Variants in MTUS2 observed in about 807,000 individuals in gnomAD.
MTUS2 encodes the protein microtubule-associated tumor suppressor candidate 2.
A neutral mutation model predicts 114.1 loss-of-function variants in MTUS2; 40 were observed. The ratio of observed to expected loss-of-function variants is 0.35; its 90% confidence interval spans 0.27 to 0.46. The LOEUF (loss-of-function observed/expected upper bound fraction) is 0.46. Among genes scored for constraint, MTUS2 ranks in the 20% least tolerant of loss-of-function variants. The pLI is 1.00. For synonymous variants in MTUS2, 688 were observed against 672.0 expected (o/e 1.02, Z -0.37); for missense variants, 1,679 against 1,705.4 (o/e 0.98, Z 0.27).
intron 9 of MTUS2, among the ~76,000 whole-genome samples, chr13:29,442,420 T>C (rs907687204): frequency 7.2e-5 from 11 of 152,206 alleles, no homozygotes; most frequent in African/African-American, 2.7e-4. Flanking sequence ...CCACAATGAC[T>C]TGCTTGTGAT....
intron 5 of MTUS2, among the ~76,000 whole-genome samples, chr13:29,215,938 G>A (rs1005298352): frequency 3.3e-5 from 5 of 152,200 alleles, no homozygotes; most frequent in Non-Finnish European, 5.9e-5. Flanking sequence ...TTCAGAGCTG[G>A]CAGGCAGGAA....
At chr13:29,295,312 A>G (rs1398828881) in intron 6 of MTUS2, among the ~76,000 whole-genome samples, 1 of 152,178 alleles carries the variant, frequency 6.6e-6, no homozygotes, top group South Asian at 2.1e-4. Flanking sequence ...GAGAATATCC[A>G]GAAATTGTTG....
intron 2 of MTUS2, among the ~76,000 whole-genome samples, chr13:29,007,833 A>T (rs1885667040): frequency 6.6e-6 from 1 of 152,240 alleles, no homozygotes; most frequent in African/African-American, 2.4e-5. Context: ...TATGTTATCC[A>T]TAAGGCTTCT....
At chr13:28,900,553 A>C (rs1879585619) in intron 2 of MTUS2, among the ~76,000 whole-genome samples, 1 of 152,220 alleles carries the variant, frequency 6.6e-6, no homozygotes, top group South Asian at 2.1e-4. Flanking sequence ...TGTAACCATT[A>C]AGATTGACTT....
intron 9 of MTUS2, among the ~76,000 whole-genome samples, chr13:29,448,180 T>C (rs1488681752): frequency 1.3e-5 from 2 of 152,178 alleles, no homozygotes; most frequent in Non-Finnish European, 2.9e-5. Context: ...TTAAACAAAC[T>C]CCACCAGACA....
rs1426826787 is a variant in MTUS2 at position 29,277,053 on chromosome 13, T to C, written c.2645-4651T>C. On this transcript the variant is annotated intron_variant, in intron 5 of 15. Coordinates refer to ENST00000612955, the MANE Select transcript of MTUS2 (RefSeq NM_001033602.4). ...AACAGTTATTAATCTCTGTTCTCTA[T>C]GGTCTCTTACATTTCTGCATGTCTT... 2.6e-5 allele frequency among the ~76,000 whole-genome samples: 4 copies of C among 152,348 alleles called. No homozygotes were observed. In the East Asian group the frequency reaches 7.7e-4, roughly 29 times the overall value.
At chr13:29,407,961 T>G (rs1357551654) in intron 8 of MTUS2, among the ~76,000 whole-genome samples, 1 of 152,236 alleles carries the variant, frequency 6.6e-6, no homozygotes, top group East Asian at 1.9e-4. Context: ...TTTTGTATGT[T>G]TATGGATTAT....
At chr13:29,312,521 G>A (rs549409484) in intron 6 of MTUS2, among the ~76,000 whole-genome samples, 2 of 152,290 alleles carry the variant, frequency 1.3e-5, no homozygotes, top group African/African-American at 4.8e-5. Flanking sequence ...GAGAATGTTA[G>A]CTTTAAAAAG....
At chr13:29,073,792 C>T (rs947481712) in intron 4 of MTUS2, among the ~76,000 whole-genome samples, 2 of 152,062 alleles carry the variant, frequency 1.3e-5, no homozygotes, top group Non-Finnish European at 2.9e-5. Flanking sequence ...TCCTAAAGTC[C>T]CTACAAATGA....
chr13:29,321,152 T>C (rs1900237076), intron 6 of MTUS2, among the ~76,000 whole-genome samples: 1 of 137,084 alleles, frequency 7.3e-6, no homozygotes, highest in African/African-American at 3.7e-5. Context: ...TGGTCATCAG[T>C]GTACATAAGT....
At chr13:29,418,834 T>A (rs1160170262) in intron 8 of MTUS2, among the ~76,000 whole-genome samples, 1 of 152,204 alleles carries the variant, frequency 6.6e-6, no homozygotes, top group African/African-American at 2.4e-5. Flanking sequence ...AGGTCTCAAG[T>A]GACAAATCCA....
chr13:28,990,332 G>A (rs918374327), intron 2 of MTUS2, among the ~76,000 whole-genome samples: 1 of 152,188 alleles, frequency 6.6e-6, no homozygotes, highest in Non-Finnish European at 1.5e-5. Context: ...CAGTTGCTCA[G>A]GAGTGTGGAT....
intron 8 of MTUS2, among the ~76,000 whole-genome samples, chr13:29,417,150 A>G (rs1330592271): frequency 1.3e-5 from 2 of 152,188 alleles, no homozygotes; most frequent in African/African-American, 4.8e-5. Context: ...GCTTACAATC[A>G]TGGTGGAACG....
At chr13:29,438,268 A>G (rs1877563217) in intron 8 of MTUS2, among the ~76,000 whole-genome samples, 1 of 152,214 alleles carries the variant, frequency 6.6e-6, no homozygotes, top group African/African-American at 2.4e-5. Context: ...TTCAGGGAAA[A>G]CAAGGATGCT....
chr13:29,398,477 A>AG (rs1045008471), intron 8 of MTUS2, among the ~76,000 whole-genome samples: 3 of 115,772 alleles, frequency 2.6e-5, no homozygotes, highest in African/African-American at 8.7e-5. Context: ...TAAAAAAAAA[A>AG]AAAGAAAGAA....
chr13:29,396,290 T>C (rs1873910422), intron 8 of MTUS2, among the ~76,000 whole-genome samples: 2 of 152,150 alleles, frequency 1.3e-5, no homozygotes, highest in African/African-American at 4.8e-5. Context: ...TAATAACTCC[T>C]TGTATGTATT....
At position 29,380,910 on chromosome 13, in the gene MTUS2, G is replaced by A. The variant is rs1409586327; in HGVS notation, c.3117+21437G>A. ...CGCAGTCTGGCCTGGGCGACAGAGC[G>A]AGACTCCGTCTCAAAAAAAAAAAAA... is the stretch of plus-strand genomic sequence containing the variant. On this transcript the variant is annotated intron_variant, in intron 8 of 15. Coordinates refer to ENST00000612955, the MANE Select transcript of MTUS2 (RefSeq NM_001033602.4). Among the ~76,000 whole-genome samples the A allele has an allele frequency of 2.2e-4, 3 of 13,946 alleles. 1 individual carries two copies. Among genetic ancestry groups the A allele is most frequent in the Non-Finnish European group, 4.2e-4 (1 of 2,384 alleles). The allele number at this position is 13,946 out of a possible 152,430, so 9.1% of individuals were successfully genotyped here. A position where few individuals can be genotyped will look rare whatever the true frequency, so the allele number is the denominator to read the frequency against.
chr13:29,476,022 C>T (rs972076983), intron 9 of MTUS2, among the ~76,000 whole-genome samples: 1 of 152,198 alleles, frequency 6.6e-6, no homozygotes, highest in Non-Finnish European at 1.5e-5. Context: ...GTACCCCGTG[C>T]AGGTGTACCG....
At chr13:28,929,294 T>A (rs1236588343) in intron 2 of MTUS2, among the ~76,000 whole-genome samples, 1 of 152,152 alleles carries the variant, frequency 6.6e-6, no homozygotes, top group Non-Finnish European at 1.5e-5. Context: ...TATTGTACAT[T>A]TCAGGATAGC....
Sources: allele counts gnomAD v4.1 joint callset (sites outside exome capture counted in the v4.1 genomes callset), GRCh38; gene constraint gnomAD v4.1.1; transcripts MANE v1.5; gene names NCBI Gene and HGNC (gene_info 2026-07-23, HGNC 2026-07-21).